Variants in EIF4A3 observed in about 807,000 individuals in gnomAD.
EIF4A3 encodes eukaryotic translation initiation factor 4A3.
A neutral mutation model predicts 55.6 loss-of-function variants in EIF4A3; 1 was observed. The ratio of observed to expected loss-of-function variants is 0.02; its 90% confidence interval spans 0.01 to 0.09. EIF4A3 has a LOEUF of 0.09. Among genes scored for constraint, EIF4A3 ranks in the 10% least tolerant of loss-of-function variants. The pLI is 1.00. For synonymous variants in EIF4A3, 194 were observed against 196.3 expected (o/e 0.99, Z 0.10); for missense variants, 221 against 540.7 (o/e 0.41, Z 5.86).
At chr17:80,146,573 G>C (rs1285671259) in intron 1 of EIF4A3, among the ~76,000 whole-genome samples, 1 of 152,234 alleles carries the variant, frequency 6.6e-6, no homozygotes, top group African/African-American at 2.4e-5. Flanking sequence ...CCAGCGCCGA[G>C]CTCTGCACGG....
At chr17:80,142,409 A>G (rs2039625349) in intron 2 of EIF4A3, among the ~76,000 whole-genome samples, 1 of 152,130 alleles carries the variant, frequency 6.6e-6, no homozygotes, top group Non-Finnish European at 1.5e-5. Flanking sequence ...CACCTGCTCC[A>G]CAGCAGGGCT....
intron 6 of EIF4A3, chr17:80,139,372 C>A (rs925121184): frequency 1.4e-6 from 1 of 691,394 alleles, no homozygotes; most frequent in African/African-American, 1.8e-5. Context: ...TTGAGGGAAT[C>A]TGGTTTCCCT....
intron 9 of EIF4A3, 125 bp downstream of exon 9, chr17:80,137,261 C>CA (rs1265637501): frequency 1.3e-6 from 1 of 780,694 alleles, no homozygotes; most frequent in Non-Finnish European, 2.0e-6. Context: ...CCCAGGGCCT[C>CA]AGCTTTCAGA....
chr17:80,146,806 G>A lies in EIF4A3; in HGVS notation c.156C>T (p.Gly52=). 1.9e-6 allele frequency: 3 copies of A among 1,608,954 alleles called. No individual in the cohort carries two copies. Among genetic ancestry groups the A allele is most frequent in the Non-Finnish European group, 2.5e-6 (3 of 1,178,842 alleles). ...GCGCCCGCTCACCGTAAGCGTAGAT[G>A]CCCCGCAGCAGGTCCTCCCGCAGGC... ...TMGLREDLLR[G]IYAYGFEKPS... is the part of the protein sequence containing the mutation. The change falls in exon 1 of 12, where the codon GGC becomes GGT. Residue 52 remains glycine, a synonymous_variant. Coordinates refer to ENST00000649764, the MANE Select transcript of EIF4A3 (RefSeq NM_014740.4).
At position 80,139,610 on chromosome 17, in the gene EIF4A3, G is replaced by A. The variant is rs1598604781; in HGVS notation, c.586+60C>T. The A allele has an allele frequency of 6.9e-6, 10 of 1,457,274 alleles. No homozygotes were observed. The South Asian group carries it at 1.1e-4, about 16-fold the overall frequency. The allele number at this position is 1,457,274 out of a possible 1,614,324, so 90.3% of individuals were successfully genotyped here. A position where few individuals can be genotyped will look rare whatever the true frequency, so the allele number is the denominator to read the frequency against. On this transcript the variant is annotated intron_variant, in intron 6 of 11. Coordinates refer to ENST00000649764, the MANE Select transcript of EIF4A3 (RefSeq NM_014740.4). ...TCACTGGCTGTTTCAATTTTACACT[G>A]TGAAAATTTAAGAACTAAGAATTAT...
At position 80,139,100 on chromosome 17, in the gene EIF4A3, T is replaced by C. The variant is rs764301358; in HGVS notation, c.649A>G (p.Ile217Val). The change falls in exon 7 of 12, where the codon ATC (isoleucine) becomes GTC (valine). Residue 217 changes from isoleucine (I) to valine (V), a missense_variant. Ile to Val is a conservative substitution (Grantham distance 29). Coordinates refer to ENST00000649764, the MANE Select transcript of EIF4A3 (RefSeq NM_014740.4). ...YLPPATQVVL[I>V]SATLPHEILE... ...ATCTCGTGTGGCAGCGTGGCACTGA[T>C]GAGAACCACCTGTGTGGCTGGAGGC... is the stretch of plus-strand genomic sequence containing the variant. The C allele has an allele frequency of 6.2e-7, 1 of 1,613,740 alleles. No homozygotes were observed. Among genetic ancestry groups the C allele is most frequent in the Middle Eastern group, 1.6e-4 (1 of 6,062 alleles).
rs2039558879 is a variant in EIF4A3 at position 80,135,015 on chromosome 17, G to T, written c.*475C>A. Reference sequence around the variant, plus strand: ...AAATACAAAAAAATTAGCCTGGCATGGTGGCGGCCGCCTGTACTCCCAGCT... The same window carrying T: ...AAATACAAAAAAATTAGCCTGGCATTGTGGCGGCCGCCTGTACTCCCAGCT... On this transcript the variant is annotated 3_prime_UTR_variant, in exon 12 of 12. Transcript: ENST00000649764. Among the ~76,000 whole-genome samples, 1 of 152,054 alleles carries T rather than the reference G, an allele frequency of 6.6e-6. No homozygotes were observed. The highest frequency in any genetic ancestry group is 1.5e-5 in the Non-Finnish European group (1 of 68,010).
chr17:80,139,128 G>A lies in EIF4A3; in HGVS notation c.621C>T (p.Tyr207=), dbSNP rs1052071284. ...FKEQIYDVYR[Y]LPPATQVVLI... ...GAACCACCTGTGTGGCTGGAGGCAGGTACCTGTATACATCGTAAATCTGCT... is the reference window on the plus strand; with the variant it reads ...GAACCACCTGTGTGGCTGGAGGCAGATACCTGTATACATCGTAAATCTGCT... The change falls in exon 7 of 12, where the codon TAC becomes TAT. Residue 207 remains tyrosine (Y), a synonymous_variant. Coordinates refer to ENST00000649764, the MANE Select transcript of EIF4A3 (RefSeq NM_014740.4). 1.4e-5 allele frequency: 22 copies of A among 1,613,970 alleles called. No individual in the cohort carries two copies. The highest frequency in any genetic ancestry group is 1.9e-5 in the Non-Finnish European group (22 of 1,180,040).
chr17:80,147,104 G>A lies in EIF4A3; in HGVS notation c.-143C>T, dbSNP rs903374499. On this transcript the variant is annotated 5_prime_UTR_variant, in exon 1 of 12. Coordinates refer to ENST00000649764, the MANE Select transcript of EIF4A3 (RefSeq NM_014740.4). Reference sequence around the variant, plus strand: ...ACCTCGCTGTGCCGCTGCCGACCTCGCTGTGCCGCTGCCGACCTCGCTGTG... The same window carrying A: ...ACCTCGCTGTGCCGCTGCCGACCTCACTGTGCCGCTGCCGACCTCGCTGTG... 3 of 1,218,644 alleles carry A rather than the reference G, an allele frequency of 2.5e-6. No homozygotes were observed. Among genetic ancestry groups the A allele is most frequent in the East Asian group, 3.2e-5 (1 of 31,622 alleles). The allele number at this position is 1,218,644 out of a possible 1,614,324, so 75.5% of individuals were successfully genotyped here. A position where few individuals can be genotyped will look rare whatever the true frequency, so the allele number is the denominator to read the frequency against.
At chr17:80,138,397 G>A in intron 7 of EIF4A3, 117 bp from the exon 8 acceptor site, 1 of 1,255,264 alleles carries the variant, frequency 8.0e-7, no homozygotes. Flanking sequence ...GATATCTGGT[G>A]CAGACCCAGC....
Position 80,146,996 on chromosome 17 carries a change from G to A in EIF4A3, c.-35C>T, listed in dbSNP as rs778301942. ...TCCGCGGAAGAGCACAGCGCGCGCC[G>A]CTGCCGACCTCGCTGCCGCTGCCGA... On this transcript the variant is annotated 5_prime_UTR_variant, in exon 1 of 12. Transcript: ENST00000649764. 4 of 1,488,582 alleles carry A rather than the reference G, an allele frequency of 2.7e-6. No homozygotes were observed. The East Asian group carries it at 1.0e-4, about 39-fold the overall frequency. 92.2% of individuals were successfully genotyped at this position (1,488,582 alleles called of 1,614,324 possible). A position where few individuals can be genotyped will look rare whatever the true frequency, so the allele number is the denominator to read the frequency against.
At chr17:80,139,220 A>G (rs2039598315) in intron 6 of EIF4A3, 58 bp from the exon 7 acceptor site, 2 of 1,604,672 alleles carry the variant, frequency 1.2e-6, no homozygotes, top group Non-Finnish European at 1.7e-6. Context: ...CAGAAATGGA[A>G]GGTGCACGCC....
Position 80,147,100 on chromosome 17 carries a change from C to T in EIF4A3, c.-139G>A, listed in dbSNP as rs2039675667. 1.6e-6 allele frequency: 2 copies of T among 1,231,572 alleles called. No homozygotes were observed. The highest frequency in any genetic ancestry group is 1.6e-5 in the African/African-American group (1 of 60,994). 76.3% of individuals were successfully genotyped at this position (1,231,572 alleles called of 1,614,324 possible). On this transcript the variant is annotated 5_prime_UTR_variant, in exon 1 of 12. Transcript: ENST00000649764. The stretch of plus-strand genomic sequence containing the variant: ...GCCGACCTCGCTGTGCCGCTGCCGA[C>T]CTCGCTGTGCCGCTGCCGACCTCGC...
At chr17:80,139,628 A>C (rs1433238732) in intron 6 of EIF4A3, 42 bp downstream of exon 6, 1 of 1,546,528 alleles carries the variant, frequency 6.5e-7, no homozygotes, top group Non-Finnish European at 8.9e-7. Context: ...TTAAGAACTA[A>C]GAATTATGTC....
intron 2 of EIF4A3, among the ~76,000 whole-genome samples, chr17:80,143,936 C>T (rs1204118493): frequency 6.6e-6 from 1 of 152,128 alleles, no homozygotes; most frequent in African/African-American, 2.4e-5. Flanking sequence ...GCCGAGATGG[C>T]ACCACTGCAC....
At chr17:80,142,170 GACTA>G (rs757537405) in intron 2 of EIF4A3, among the ~76,000 whole-genome samples, 8 of 152,296 alleles carry the variant, frequency 5.3e-5, no homozygotes, top group East Asian at 3.9e-4. Context: ...TAGGATTTTG[GACTA>G]ACTCTCTCTT....
chr17:80,134,848 G>C lies in EIF4A3; in HGVS notation c.*642C>G, dbSNP rs1159638346. On this transcript the variant is annotated 3_prime_UTR_variant, in exon 12 of 12. Coordinates refer to ENST00000649764, the MANE Select transcript of EIF4A3 (RefSeq NM_014740.4). ...CGATGAAACTCTTTCCAAAAAAAAA[G>C]ATTAGAAAAGTGAGTGAAATGGGCC... Among the ~76,000 whole-genome samples the C allele has an allele frequency of 6.6e-6, 1 of 151,950 alleles. No homozygotes were observed. Among genetic ancestry groups the C allele is most frequent in the Non-Finnish European group, 1.5e-5 (1 of 67,986 alleles).
chr17:80,138,082 A>G, intron 8 of EIF4A3, 60 bp downstream of exon 8: 2 of 1,581,086 alleles, frequency 1.3e-6, no homozygotes, highest in Non-Finnish European at 1.7e-6. Flanking sequence ...GATTTATGTC[A>G]TTCAGAGACT....
At chr17:80,139,219 A>T in intron 6 of EIF4A3, 57 bp from the exon 7 acceptor site, 1 of 1,604,878 alleles carries the variant, frequency 6.2e-7, no homozygotes, top group Non-Finnish European at 8.5e-7. Flanking sequence ...CCAGAAATGG[A>T]AGGTGCACGC....
Sources: gnomAD v4.1 joint callset for allele counts (sites outside exome capture counted in the v4.1 genomes callset) on GRCh38, gnomAD v4.1.1 for gene constraint, MANE v1.5 for transcripts, NCBI Gene and HGNC (gene_info 2026-07-23, HGNC 2026-07-21) for gene names.